The following COX10 variants were observed in gnomAD, a reference collection of about 807,000 sequenced individuals.
COX10 encodes protoheme IX farnesyltransferase, mitochondrial.
Under a neutral mutation model 37.3 loss-of-function variants are expected in COX10, and 27 were observed. The observed-to-expected ratio is 0.72, with a 90% CI of 0.53 to 1.00. COX10 has a LOEUF of 1.00. Among genes scored for constraint, COX10 ranks in the 50% least tolerant of loss-of-function variants. The pLI, the probability that COX10 is intolerant of heterozygous loss-of-function variation, is 0.00. For synonymous variants in COX10, 222 were observed against 229.1 expected (o/e 0.97, Z 0.28); for missense variants, 475 against 563.2 (o/e 0.84, Z 1.59).
At chr17:14,183,408 T>C (rs530217173) in intron 5 of COX10, among the ~76,000 whole-genome samples, 226 of 152,318 alleles carry the variant, frequency 1.5e-3, no homozygotes, top group Admixed American at 2.6e-3. Context: ...TTTTTTACAA[T>C]ATTATCACAC....
intron 4 of COX10, among the ~76,000 whole-genome samples, chr17:14,129,437 C>T (rs1259658835): frequency 6.6e-6 from 1 of 152,146 alleles, no homozygotes; most frequent in Non-Finnish European, 1.5e-5. Context: ...CCTAAACTCC[C>T]TTGTTTGATT....
intron 4 of COX10, among the ~76,000 whole-genome samples, chr17:14,144,519 G>A (rs555258705): frequency 1.2e-4 from 18 of 152,182 alleles, no homozygotes; most frequent in African/African-American, 4.1e-4. Context: ...TAGTTTGAAA[G>A]GTGTTTGGTT....
intron 5 of COX10, among the ~76,000 whole-genome samples, chr17:14,183,263 G>A (rs561188336): frequency 2.0e-5 from 3 of 151,548 alleles, no homozygotes; most frequent in African/African-American, 2.4e-5. Context: ...ACCATGAACC[G>A]ATTTGCATGC....
chr17:14,204,985 T>C (rs1906652356), intron 6 of COX10, among the ~76,000 whole-genome samples: 1 of 152,104 alleles, frequency 6.6e-6, no homozygotes, highest in Non-Finnish European at 1.5e-5. Flanking sequence ...CGTGCACCTA[T>C]AGTGCCAGCT....
intron 4 of COX10, among the ~76,000 whole-genome samples, chr17:14,107,535 T>C (rs145674129): frequency 6.6e-6 from 1 of 152,078 alleles, no homozygotes; most frequent in Non-Finnish European, 1.5e-5. Context: ...TTTTTTTCTT[T>C]CTTTCTTTTT....
rs962624384 is a variant in COX10 at position 14,202,576 on chromosome 17, G to A, written c.929-4234G>A. 2.6e-5 allele frequency among the ~76,000 whole-genome samples: 4 copies of A among 152,190 alleles called. No homozygotes were observed. In the South Asian group the frequency reaches 6.2e-4, roughly 24 times the overall value. ...AGGATTCGAAAGCATATGTGTAACT[G>A]CCTGGCACGTAAAAGCCACAGGCAT... On this transcript the variant is annotated intron_variant, in intron 6 of 6. Transcript: ENST00000261643.
intron 6 of COX10, among the ~76,000 whole-genome samples, chr17:14,197,476 G>A (rs545908513): frequency 1.5e-4 from 23 of 152,234 alleles, no homozygotes; most frequent in Admixed American, 9.2e-4. Context: ...ATCAGATAGT[G>A]TAAAAGAACT....
At chr17:14,110,780 G>A (rs976595782) in intron 4 of COX10, among the ~76,000 whole-genome samples, 1 of 152,170 alleles carries the variant, frequency 6.6e-6, no homozygotes, top group African/African-American at 2.4e-5. Flanking sequence ...TGGCATTGAT[G>A]TAAAAACTGA....
intron 6 of COX10, among the ~76,000 whole-genome samples, chr17:14,202,239 T>TC (rs1906565251): frequency 6.6e-6 from 1 of 151,434 alleles, no homozygotes; most frequent in African/African-American, 2.4e-5. Context: ...TTTTTTTTTT[T>TC]TAAGAATTGA....
intron 5 of COX10, among the ~76,000 whole-genome samples, chr17:14,186,710 T>G (rs1475333287): frequency 6.6e-6 from 1 of 151,900 alleles, no homozygotes; most frequent in Admixed American, 6.6e-5. Flanking sequence ...GAAGGTGCTT[T>G]TAAGCCCACA....
At chr17:14,078,967 A>T (rs1915219378) in intron 3 of COX10, among the ~76,000 whole-genome samples, 2 of 152,092 alleles carry the variant, frequency 1.3e-5, no homozygotes, top group South Asian at 2.1e-4. Flanking sequence ...ATATCCAGTC[A>T]GATCCTTTCA....
At chr17:14,135,823 C>A (rs2142222332) in intron 4 of COX10, among the ~76,000 whole-genome samples, 1 of 151,958 alleles carries the variant, frequency 6.6e-6, no homozygotes, top group East Asian at 1.9e-4. Context: ...TCATGGCCAG[C>A]AACTCAGGAA....
At chr17:14,150,009 G>A (rs1904843220) in intron 4 of COX10, among the ~76,000 whole-genome samples, 1 of 152,104 alleles carries the variant, frequency 6.6e-6, no homozygotes, top group African/African-American at 2.4e-5. Flanking sequence ...AGTGACTCAC[G>A]CCTGTAATCC....
intron 6 of COX10, among the ~76,000 whole-genome samples, chr17:14,203,034 G>T (rs967483820): frequency 1.3e-5 from 2 of 152,134 alleles, no homozygotes; most frequent in African/African-American, 2.4e-5. Flanking sequence ...CATCAGCACT[G>T]TTACTTGTGT....
In COX10 at chr17:14,162,103, G is replaced by A. The variant is rs544921321; in HGVS notation, c.695+2156G>A. Among the ~76,000 whole-genome samples, 74 of 152,292 alleles carry A rather than the reference G, an allele frequency of 4.9e-4. No individual in the cohort carries two copies. In the Middle Eastern group the frequency reaches 0.01, roughly 21 times the overall value. The stretch of plus-strand genomic sequence containing the variant: ...TAAGTGTATGAGGCTACCTAATGGT[G>A]AAAGATAAAAATTTTAAAGCTAATT... On this transcript the variant is annotated intron_variant, in intron 5 of 6. Coordinates refer to ENST00000261643, the MANE Select transcript of COX10 (RefSeq NM_001303.4).
intron 4 of COX10, among the ~76,000 whole-genome samples, chr17:14,148,570 G>T (rs938828914): frequency 3.3e-5 from 5 of 152,132 alleles, no homozygotes; most frequent in Admixed American, 2.6e-4. Flanking sequence ...CTCCCACGAG[G>T]TTCACATGTT....
chr17:14,207,165 C>T lies in COX10; in HGVS notation c.1284C>T (p.Thr428=). ...CGCTGCTGCTGCTGCTCATGCTCAC[C>T]TGCAAGCGGCCGAGCGGAGGCGGGG... is the stretch of plus-strand genomic sequence containing the variant. The part of the protein sequence containing the change: ...HLPLLLLLML[T]CKRPSGGGDA... Residue 428 remains threonine, a synonymous_variant, in exon 7 of 7, where the codon ACC becomes ACT. Transcript: ENST00000261643. 1 of 1,611,116 alleles carries T rather than the reference C, an allele frequency of 6.2e-7. No homozygotes were observed. The highest frequency in any genetic ancestry group is 8.5e-7 in the Non-Finnish European group (1 of 1,179,248).
At chr17:14,077,093 C>T (rs2142182641) in intron 3 of COX10, 37 bp downstream of exon 3, 2 of 1,597,200 alleles carry the variant, frequency 1.3e-6, no homozygotes, top group Non-Finnish European at 1.7e-6. Flanking sequence ...TTATTTGAAA[C>T]TCTATCTTTA....
intron 5 of COX10, among the ~76,000 whole-genome samples, chr17:14,183,084 T>G (rs977058114): frequency 6.7e-6 from 1 of 149,002 alleles, no homozygotes; most frequent in Non-Finnish European, 1.5e-5. Context: ...GACCAATTTT[T>G]CCCCACTCTC....
Sources: allele counts gnomAD v4.1 joint callset (sites outside exome capture counted in the v4.1 genomes callset), GRCh38; gene constraint gnomAD v4.1.1; transcripts MANE v1.5; gene names NCBI Gene and HGNC (gene_info 2026-07-23, HGNC 2026-07-21).